Variants in LARGE1 observed in about 807,000 individuals in gnomAD.
LARGE1 encodes xylosyl- and glucuronyltransferase LARGE1.
LARGE1 carries 43 observed loss-of-function variants against 87.6 expected under a neutral mutation model. The ratio of observed to expected loss-of-function variants is 0.49; its 90% confidence interval spans 0.38 to 0.63. LARGE1 has a LOEUF of 0.63. Ranked by LOEUF, LARGE1 falls within the 30% of genes least tolerant of loss-of-function variation. The pLI, the probability that LARGE1 is intolerant of heterozygous loss-of-function variation, is 0.00. For synonymous variants in LARGE1, 434 were observed against 394.6 expected (o/e 1.10, Z -1.18); for missense variants, 802 against 1,000.2 (o/e 0.80, Z 2.67).
At chr22:33,154,560 C>A in the LARGE1 span, among the ~76,000 whole-genome samples, 2 of 152,150 alleles carry the variant, frequency 1.3e-5, no homozygotes, top group Admixed American at 1.3e-4. Flanking sequence ...TTAATACAGG[C>A]AGAAACAACC....
intron 6 of LARGE1, among the ~76,000 whole-genome samples, chr22:33,461,642 T>TA (rs2068386324): frequency 7.5e-6 from 1 of 133,914 alleles, no homozygotes; most frequent in Non-Finnish European, 1.6e-5. Flanking sequence ...CCCTAGAACT[T>TA]AAAGTATAAT....
At chr22:33,623,137 C>CT (rs766787763) in intron 4 of LARGE1, among the ~76,000 whole-genome samples, 8,170 of 132,636 alleles carry the variant, frequency 0.062, 433 homozygotes, top group African/African-American at 0.15. Flanking sequence ...AGAAAGTGGG[C>CT]TTTTTTTTTT....
chr22:33,782,081 A>C (rs184629844), intron 1 of LARGE1, among the ~76,000 whole-genome samples: 61 of 152,348 alleles, frequency 4.0e-4, no homozygotes, highest in African/African-American at 1.4e-3. Flanking sequence ...AAGAATTGGC[A>C]TATCCAAAGT....
At chr22:33,847,742 C>T (rs2063476026) in intron 1 of LARGE1, among the ~76,000 whole-genome samples, 1 of 152,216 alleles carries the variant, frequency 6.6e-6, no homozygotes, top group African/African-American at 2.4e-5. Context: ...TCATTGTAAA[C>T]TAGAAAAAGC....
rs768565081 is a variant in LARGE1 at position 33,277,156 on chromosome 22, C to G, written c.1977G>C (p.Pro659=). ...YRVEWEADFE[P]YVVVRRDCPE... is the part of the protein sequence containing the mutation. ...GGCAGTCACGTCTCACAACAACATA[C>G]GGCTCAAAATCGGCCTCCCACTCAA... The change falls in exon 14 of 15, where the codon CCG becomes CCC. Residue 659 remains proline (P), a synonymous_variant. Transcript: ENST00000397394. 6.2e-7 allele frequency: 1 copy of G among 1,614,254 alleles called. No individual in the cohort carries two copies. The highest frequency in any genetic ancestry group is 8.5e-7 in the Non-Finnish European group (1 of 1,180,042).
chr22:33,388,113 T>C (rs2065392175), intron 7 of LARGE1, among the ~76,000 whole-genome samples: 1 of 152,240 alleles, frequency 6.6e-6, no homozygotes, highest in African/African-American at 2.4e-5. Flanking sequence ...GTTATGTCTT[T>C]AAGATTTAAC....
intron 6 of LARGE1, among the ~76,000 whole-genome samples, chr22:33,521,435 C>T (rs765677191): frequency 1.2e-4 from 18 of 152,214 alleles, no homozygotes; most frequent in Non-Finnish European, 2.4e-4. Flanking sequence ...TCTCATCCTC[C>T]AACAGGCTAG....
rs537472686 is a variant in LARGE1 at position 33,557,866 on chromosome 22, C to T, written c.787+6982G>A. Among the ~76,000 whole-genome samples the T allele has an allele frequency of 7.2e-5, 11 of 152,182 alleles. No homozygotes were observed. The South Asian group carries it at 2.3e-3, about 32-fold the overall frequency. On this transcript the variant is annotated intron_variant, in intron 6 of 14. Transcript: ENST00000397394. Reference sequence around the variant, plus strand: ...ATGGGCACGAGCCACTAAGCCCGGCCCAGGAGAACTTCTAAAGGCCCCGTA... The same window carrying T: ...ATGGGCACGAGCCACTAAGCCCGGCTCAGGAGAACTTCTAAAGGCCCCGTA...
chr22:33,450,992 G>C (rs1290882933), intron 6 of LARGE1, among the ~76,000 whole-genome samples: 1 of 152,132 alleles, frequency 6.6e-6, no homozygotes, highest in African/African-American at 2.4e-5. Context: ...AGCAGAGTAT[G>C]GCTCTGTCAG....
chr22:33,104,891 CTTTCTTTCTTTCTTTCTTTCTT>C, the LARGE1 span, among the ~76,000 whole-genome samples: 3 of 45,848 alleles, frequency 6.5e-5, no homozygotes, highest in African/African-American at 2.8e-4. Context: ...CTTTCTCTCT[CTTTCTTTCTTTCTTTCTTTCTT>C]TCTTTCTTTC....
intron 11 of LARGE1, among the ~76,000 whole-genome samples, chr22:33,181,534 C>T (rs1602055785): frequency 6.8e-6 from 1 of 146,000 alleles, no homozygotes; most frequent in Non-Finnish European, 1.5e-5. Flanking sequence ...CTACATTACT[C>T]TTTTTTTTTT....
chr22:33,473,941 G>A (rs2068965695), intron 6 of LARGE1, among the ~76,000 whole-genome samples: 2 of 152,266 alleles, frequency 1.3e-5, no homozygotes, highest in South Asian at 4.1e-4. Flanking sequence ...CCATCCCACA[G>A]TTTGAAGACA....
At chr22:33,086,588 C>T in the LARGE1 span, among the ~76,000 whole-genome samples, 1 of 129,256 alleles carries the variant, frequency 7.7e-6, no homozygotes, top group Non-Finnish European at 1.6e-5. Flanking sequence ...GAGTCTCTCT[C>T]TGTCACCAGG....
chr22:33,868,034 G>T (rs922217535), intron 1 of LARGE1, among the ~76,000 whole-genome samples: 1 of 152,114 alleles, frequency 6.6e-6, no homozygotes, highest in Non-Finnish European at 1.5e-5. Flanking sequence ...CACACTACCC[G>T]CTCCATTTTC....
At chr22:33,794,427 AGC>A (rs998359119) in intron 1 of LARGE1, among the ~76,000 whole-genome samples, 1 of 152,156 alleles carries the variant, frequency 6.6e-6, no homozygotes, top group African/African-American at 2.4e-5. Flanking sequence ...CTCGAAGAGG[AGC>A]AAGAAGGCAG....
Position 33,799,029 on chromosome 22 carries a change from T to C in LARGE1, c.-82-37471A>G, listed in dbSNP as rs555459601. Among the ~76,000 whole-genome samples the C allele has an allele frequency of 1.9e-4, 29 of 152,272 alleles. 1 individual carries two copies. The highest frequency in any genetic ancestry group is 6.8e-3 in the Middle Eastern group (2 of 294). On this transcript the variant is annotated intron_variant, in intron 1 of 14. Transcript: ENST00000397394. ...TACAGTATTCAATTTGAGCTTCTGGTGTGCATGGATAATTTGGACAATTTT... is the reference window on the plus strand; with the variant it reads ...TACAGTATTCAATTTGAGCTTCTGGCGTGCATGGATAATTTGGACAATTTT...
chr22:33,155,270 T>A, the LARGE1 span, among the ~76,000 whole-genome samples: 1 of 152,078 alleles, frequency 6.6e-6, no homozygotes, highest in Non-Finnish European at 1.5e-5. Context: ...GTTGGAACAC[T>A]TTGGAGGGCT....
At chr22:33,377,852 C>A (rs1263906464) in intron 9 of LARGE1, among the ~76,000 whole-genome samples, 2 of 152,284 alleles carry the variant, frequency 1.3e-5, no homozygotes, top group East Asian at 3.9e-4. Flanking sequence ...TTAACATATC[C>A]ATTTAATTTC....
intron 6 of LARGE1, among the ~76,000 whole-genome samples, chr22:33,434,895 C>T (rs1006653140): frequency 1.3e-4 from 20 of 152,160 alleles, no homozygotes; most frequent in African/African-American, 4.8e-4. Flanking sequence ...CAGCATGAAG[C>T]CTTTTATGAA....
Sources: gnomAD v4.1 joint callset for allele counts (sites outside exome capture counted in the v4.1 genomes callset) on GRCh38, gnomAD v4.1.1 for gene constraint, MANE v1.5 for transcripts, NCBI Gene and HGNC (gene_info 2026-07-23, HGNC 2026-07-21) for gene names.